Variants in MITD1 observed in about 807,000 individuals in gnomAD.
The protein encoded by MITD1 is MIT domain-containing protein 1.
Under a neutral mutation model 34.9 loss-of-function variants are expected in MITD1, and 24 were observed. That is an observed-to-expected ratio of 0.69 (90% CI 0.50 to 0.97). The LOEUF (loss-of-function observed/expected upper bound fraction) is 0.97, where lower values mean the gene tolerates loss of function less well. Among genes scored for constraint, MITD1 ranks in the 50% least tolerant of loss-of-function variants. The pLI is 0.00. For missense variants in MITD1, 266 were observed against 294.6 expected, an observed-to-expected ratio of 0.90 and a Z score of 0.71; for synonymous variants, 102 against 101.4, an observed-to-expected ratio of 1.01 and a Z score of -0.04.
rs752396800 is a variant in MITD1, at chr2:99,180,999, T to C, written c.-18A>G. 8.1e-6 allele frequency: 13 copies of C among 1,610,612 alleles called. No individual in the cohort carries two copies. In the Admixed American group the frequency reaches 1.2e-4, roughly 15 times the overall value. On this transcript the variant is annotated 5_prime_UTR_variant, in exon 1 of 7. Transcript: ENST00000289359. ...TTCGCCATAATTCTGGAAGTTCTCC[T>C]CCGCCTCAACCCAGGATGAAGTTGA...
chr2:99,170,794 A>C (rs553907545), intron 4 of MITD1, 142 bp from the exon 5 acceptor site: 30 of 462,302 alleles, frequency 6.5e-5, no homozygotes, highest in African/African-American at 5.0e-4. Flanking sequence ...TCAAAAAAAC[A>C]ACCAATGTGA....
At chr2:99,170,683 G>T in intron 4 of MITD1, 31 bp from the exon 5 acceptor site, 2 of 1,032,020 alleles carry the variant, frequency 1.9e-6, no homozygotes, top group Non-Finnish European at 3.0e-6. Flanking sequence ...ATTATCTGCC[G>T]CAGTTATTAT....
At chr2:99,163,192 C>G in intron 7 of MITD1, 1 of 425,384 alleles carries the variant, frequency 2.4e-6, no homozygotes. Flanking sequence ...AAAAAAAAAA[C>G]AAAACACAAC....
At chr2:99,178,923 CG>C (rs913059368) in intron 1 of MITD1, among the ~76,000 whole-genome samples, 39 of 152,294 alleles carry the variant, frequency 2.6e-4, no homozygotes, top group African/African-American at 9.4e-4. Context: ...CTACTTATTT[CG>C]TAAGACAGCA....
chr2:99,170,569 T>C lies in MITD1; in HGVS notation c.561A>G (p.Gln187=). 6.3e-7 allele frequency: 1 copy of C among 1,594,970 alleles called. No individual in the cohort carries two copies. The highest frequency in any genetic ancestry group is 8.6e-7 in the Non-Finnish European group (1 of 1,163,930). ...LRSHGVLLEV[Q]YSSSIHDREI... ...CTCGGTCATGTATTGAAGAAGAGTA[T>C]TGAACTTCCAACAGCACTCCGTGAC... Residue 187 remains glutamine (Q), a synonymous_variant, in exon 5 of 7, where the codon CAA becomes CAG. Transcript: ENST00000289359.
chr2:99,167,152 C>T (rs2093831184), downstream of MITD1, among the ~76,000 whole-genome samples: 1 of 151,952 alleles, frequency 6.6e-6, no homozygotes, highest in Admixed American at 6.6e-5. Flanking sequence ...TTTGCCCATG[C>T]CTATGCCCAT....
At chr2:99,168,707 A>C (rs573196189), downstream of MITD1, among the ~76,000 whole-genome samples, 1 of 152,308 alleles carries the variant, frequency 6.6e-6, no homozygotes, top group Admixed American at 6.5e-5. Flanking sequence ...GTAAATGTTT[A>C]CCAAAGACAA....
At chr2:99,162,577 G>GCATA in intron 7 of MITD1, 1 of 1,614,118 alleles carries the variant, frequency 6.2e-7, no homozygotes, top group South Asian at 1.1e-5. Flanking sequence ...GCCACTGCTA[G>GCATA]CATACCTTCC....
chr2:99,168,978 T>C (rs72959141), downstream of MITD1, among the ~76,000 whole-genome samples: 2 of 103,030 alleles, frequency 1.9e-5, no homozygotes, highest in African/African-American at 7.2e-5. Context: ...TTTTTTTTTT[T>C]CTGATACAGG....
intron 4 of MITD1, chr2:99,170,932 A>G (rs1436187102): frequency 3.7e-6 from 1 of 270,124 alleles, no homozygotes. Flanking sequence ...ACTGCTTTTG[A>G]AATCAATCGT....
At chr2:99,176,883 G>A (rs1228500454) in intron 1 of MITD1, among the ~76,000 whole-genome samples, 1 of 152,226 alleles carries the variant, frequency 6.6e-6, no homozygotes, top group East Asian at 1.9e-4. Context: ...ATGGCATTGA[G>A]AAACCAAATT....
intron 1 of MITD1, among the ~76,000 whole-genome samples, chr2:99,174,947 G>A (rs1308336296): frequency 1.3e-5 from 2 of 149,120 alleles, no homozygotes; most frequent in Non-Finnish European, 1.5e-5. Context: ...GCTGGTCTCC[G>A]ACTCCTGATC....
intron 1 of MITD1, 119 bp from the exon 2 acceptor site, chr2:99,174,135 C>CA: frequency 1.7e-6 from 1 of 596,420 alleles, no homozygotes; most frequent in Non-Finnish European, 2.9e-6. Flanking sequence ...TGGCTTGCCT[C>CA]AGTCCTCAAA....
chr2:99,163,778 C>T (rs1284693868), intron 7 of MITD1, among the ~76,000 whole-genome samples: 2 of 151,130 alleles, frequency 1.3e-5, no homozygotes, highest in Admixed American at 6.6e-5. Context: ...GATTTCTTGC[C>T]ACCTCTCCTC....
chr2:99,173,768 G>C, intron 2 of MITD1, 147 bp downstream of exon 2: 1 of 664,102 alleles, frequency 1.5e-6, no homozygotes, highest in Non-Finnish European at 2.7e-6. Context: ...CTCCTGTATG[G>C]GAGTGGAAAT....
At chr2:99,165,948 T>C (rs2093824981), downstream of MITD1, among the ~76,000 whole-genome samples, 1 of 152,046 alleles carries the variant, frequency 6.6e-6, no homozygotes, top group Non-Finnish European at 1.5e-5. Flanking sequence ...GTGATATCAG[T>C]GGTGTAGGCT....
chr2:99,167,562 A>C (rs1462045460), downstream of MITD1, among the ~76,000 whole-genome samples: 1 of 152,176 alleles, frequency 6.6e-6, no homozygotes, highest in African/African-American at 2.4e-5. Context: ...GTGGATTGCT[A>C]ATTCTCCATA....
exon 1 of MITD1, chr2:99,181,057 GTGAT>G: frequency 5.3e-6 from 8 of 1,517,308 alleles, no homozygotes; most frequent in Non-Finnish European, 6.2e-6. Context: ...AAGTGGTCAT[GTGAT>G]ACCCAGGCGC....
chr2:99,170,860 A>G, intron 4 of MITD1: 1 of 358,326 alleles, frequency 2.8e-6, no homozygotes, highest in South Asian at 6.2e-5. Flanking sequence ...TAATGTGAAC[A>G]TAACTCCATC....
Sources: gnomAD v4.1 joint callset for allele counts (sites outside exome capture counted in the v4.1 genomes callset) on GRCh38, gnomAD v4.1.1 for gene constraint, MANE v1.5 for transcripts, NCBI Gene and HGNC (gene_info 2026-07-23, HGNC 2026-07-21) for gene names.